The following FBXL7 variants were observed in gnomAD, a reference collection of about 807,000 sequenced individuals.
FBXL7 encodes F-box and leucine rich repeat protein 7.
In FBXL7, 12 loss-of-function variants were observed where a neutral mutation model predicts 38.3. That is an observed-to-expected ratio of 0.31 (90% confidence interval 0.20 to 0.51). The LOEUF is 0.51. Among genes scored for constraint, FBXL7 ranks in the 20% least tolerant of loss-of-function variants. The pLI is 0.98. For missense variants in FBXL7, 567 were observed against 676.4 expected (o/e 0.84, Z 1.79); for synonymous variants, 297 against 300.9 (o/e 0.99, Z 0.13).
intron 2 of FBXL7, among the ~76,000 whole-genome samples, chr5:15,687,356 A>T (rs1743043885): frequency 6.6e-6 from 1 of 152,230 alleles, no homozygotes; most frequent in African/African-American, 2.4e-5. Flanking sequence ...TTGTGGCAGC[A>T]GTGAAAGACA....
At chr5:15,660,521 T>C (rs1049077219) in intron 2 of FBXL7, among the ~76,000 whole-genome samples, 3 of 152,126 alleles carry the variant, frequency 2.0e-5, no homozygotes, top group African/African-American at 7.2e-5. Flanking sequence ...CATGCCTGGC[T>C]AATTTTGTAT....
chr5:15,807,917 G>A (rs1362341650), intron 2 of FBXL7, among the ~76,000 whole-genome samples: 1 of 152,104 alleles, frequency 6.6e-6, no homozygotes, highest in Non-Finnish European at 1.5e-5. Context: ...TAAATCTACA[G>A]GTTGTCCTGA....
intron 2 of FBXL7, among the ~76,000 whole-genome samples, chr5:15,806,761 G>A (rs937570383): frequency 2.0e-5 from 3 of 152,120 alleles, no homozygotes; most frequent in Non-Finnish European, 4.4e-5. Context: ...GGGGGCCCAC[G>A]TATAGCTAGA....
intron 2 of FBXL7, among the ~76,000 whole-genome samples, chr5:15,754,271 A>G (rs896365948): frequency 2.6e-5 from 4 of 152,170 alleles, no homozygotes; most frequent in African/African-American, 4.8e-5. Flanking sequence ...ATTGGCTGTG[A>G]TGGGTCCAAT....
chr5:15,811,520 A>G (rs929426732), intron 2 of FBXL7, among the ~76,000 whole-genome samples: 9 of 152,114 alleles, frequency 5.9e-5, no homozygotes, highest in Admixed American at 5.9e-4. Context: ...TTACCTTTTT[A>G]GAGACCTTAT....
intron 1 of FBXL7, among the ~76,000 whole-genome samples, chr5:15,535,396 T>A (rs2126398724): frequency 1.3e-5 from 2 of 152,310 alleles, no homozygotes; most frequent in Admixed American, 1.3e-4. Context: ...TAGAGACTTG[T>A]TGAATGATTT....
chr5:15,743,954 T>G (rs565523513), intron 2 of FBXL7, among the ~76,000 whole-genome samples: 28 of 152,252 alleles, frequency 1.8e-4, no homozygotes, highest in Admixed American at 1.2e-3. Context: ...ACGGCTGAAG[T>G]TGAAGCAGCT....
chr5:15,564,947 A>C (rs533545728), intron 1 of FBXL7, among the ~76,000 whole-genome samples: 13 of 152,278 alleles, frequency 8.5e-5, no homozygotes, highest in African/African-American at 2.2e-4. Context: ...TTCAGCTAGT[A>C]AAAATGCTAC....
intron 2 of FBXL7, among the ~76,000 whole-genome samples, chr5:15,773,768 A>G (rs1505033): frequency 0.18 from 27,840 of 152,110 alleles, 2,553 homozygotes; most frequent in South Asian, 0.24. Flanking sequence ...GGGAGGGGGC[A>G]TATAAATGAA....
chr5:15,805,882 G>A (rs1290608410), intron 2 of FBXL7, among the ~76,000 whole-genome samples: 1 of 152,062 alleles, frequency 6.6e-6, no homozygotes, highest in Non-Finnish European at 1.5e-5. Flanking sequence ...AGAATTCTTT[G>A]GGCATTGAAG....
At chr5:15,922,516 A>G (rs1043536962) in intron 2 of FBXL7, among the ~76,000 whole-genome samples, 1 of 152,164 alleles carries the variant, frequency 6.6e-6, no homozygotes, top group African/African-American at 2.4e-5. Context: ...GTTTAGGGGA[A>G]CTATGCTACA....
At chr5:15,790,784 G>T (rs1363726784) in intron 2 of FBXL7, among the ~76,000 whole-genome samples, 1 of 152,168 alleles carries the variant, frequency 6.6e-6, no homozygotes, top group African/African-American at 2.4e-5. Flanking sequence ...GTCAGGAAAT[G>T]GGGACACAGA....
chr5:15,893,035 G>A (rs188863904), intron 2 of FBXL7, among the ~76,000 whole-genome samples: 2 of 151,416 alleles, frequency 1.3e-5, no homozygotes, highest in Non-Finnish European at 2.9e-5. Flanking sequence ...AGAATGGCGC[G>A]AACCTGGGAG....
At chr5:15,841,721 C>T (rs1738751020) in intron 2 of FBXL7, among the ~76,000 whole-genome samples, 1 of 152,216 alleles carries the variant, frequency 6.6e-6, no homozygotes, top group Non-Finnish European at 1.5e-5. Context: ...ACTTGGTGCC[C>T]AGTGTCCCAG....
At chr5:15,645,505 A>G (rs1741500007) in intron 2 of FBXL7, among the ~76,000 whole-genome samples, 1 of 152,132 alleles carries the variant, frequency 6.6e-6, no homozygotes, top group Admixed American at 6.5e-5. Context: ...TGTACTTCTT[A>G]CGTTTCTTGA....
chr5:15,866,615 T>C (rs1405364292), intron 2 of FBXL7, among the ~76,000 whole-genome samples: 1 of 152,098 alleles, frequency 6.6e-6, no homozygotes, highest in Non-Finnish European at 1.5e-5. Flanking sequence ...ATGTGTGCCA[T>C]GGTGGTTTGC....
intron 2 of FBXL7, among the ~76,000 whole-genome samples, chr5:15,646,842 C>T (rs747487127): frequency 1.3e-5 from 2 of 152,106 alleles, no homozygotes; most frequent in Non-Finnish European, 2.9e-5. Context: ...AGGGATACTC[C>T]AGAAGAAACA....
intron 2 of FBXL7, among the ~76,000 whole-genome samples, chr5:15,679,256 C>T (rs1370306998): frequency 6.6e-6 from 1 of 152,148 alleles, no homozygotes; most frequent in Admixed American, 6.5e-5. Flanking sequence ...TTTCAACAAT[C>T]CTCCCTGAAA....
chr5:15,830,894 C>G (rs1048829289), intron 2 of FBXL7, among the ~76,000 whole-genome samples: 1 of 152,076 alleles, frequency 6.6e-6, no homozygotes, highest in Non-Finnish European at 1.5e-5. Context: ...ATTGCCCACC[C>G]GAGGGCAGAT....
Sources: gnomAD v4.1 joint callset for allele counts (sites outside exome capture counted in the v4.1 genomes callset) on GRCh38, gnomAD v4.1.1 for gene constraint, MANE v1.5 for transcripts, NCBI Gene and HGNC (gene_info 2026-07-23, HGNC 2026-07-21) for gene names.